The following ABCC12 variants were observed in gnomAD, a reference collection of about 807,000 sequenced individuals.
The protein encoded by ABCC12 is ATP-binding cassette sub-family C member 12.
Under a neutral mutation model 151.1 loss-of-function variants are expected in ABCC12, and 142 were observed. That is an observed-to-expected ratio of 0.94 (90% CI 0.82 to 1.08). ABCC12 has a LOEUF of 1.08. ABCC12 is among the 50% of genes least tolerant of loss of function. The pLI is 0.00. For missense variants in ABCC12, 1,638 were observed against 1,691.1 expected (o/e 0.97, Z 0.55); for synonymous variants, 645 against 646.4 (o/e 1.00, Z 0.03).
At chr16:48,120,699 G>C (rs1280422373) in intron 13 of ABCC12, among the ~76,000 whole-genome samples, 4 of 151,872 alleles carry the variant, frequency 2.6e-5, no homozygotes, top group Non-Finnish European at 1.5e-5. Context: ...GGGATTACAG[G>C]TGCCCACCAC....
chr16:48,128,820 A>T, intron 10 of ABCC12, 83 bp from the exon 11 acceptor site: 1 of 1,497,554 alleles, frequency 6.7e-7, no homozygotes, highest in Non-Finnish European at 9.0e-7. Flanking sequence ...ATGACCCCAA[A>T]TCACAATTTT....
At chr16:48,108,843 T>C (rs576185062) in intron 18 of ABCC12, among the ~76,000 whole-genome samples, 1 of 152,350 alleles carries the variant, frequency 6.6e-6, no homozygotes, top group East Asian at 1.9e-4. Flanking sequence ...AAGAAGAGAC[T>C]ATGAATACAT....
Position 48,088,654 on chromosome 16 carries a change from G to A in ABCC12, c.3366C>T (p.Phe1122=), listed in dbSNP as rs1181074278. 1.9e-6 allele frequency: 3 copies of A among 1,614,212 alleles called. No individual in the cohort carries two copies. The highest frequency in any genetic ancestry group is 4.5e-5 in the East Asian group (2 of 44,874). The change falls in exon 26 of 31, where the codon TTC becomes TTT. Residue 1122 remains phenylalanine (F), a synonymous_variant. Coordinates refer to ENST00000311303, the MANE Select transcript of ABCC12 (RefSeq NM_001393797.1). ...CTCTGTATCTCATCTGATAGTCTCT[G>A]AAGGTGATCTCCCCACGGCTGGGCC... ...KDWPSRGEIT[F]RDYQMRYRDN...
At chr16:48,099,819 G>A (rs542112329) in intron 23 of ABCC12, among the ~76,000 whole-genome samples, 1 of 152,340 alleles carries the variant, frequency 6.6e-6, no homozygotes, top group South Asian at 2.1e-4. Flanking sequence ...GACTATGCCT[G>A]AGTGTGGAGT....
Position 48,115,629 on chromosome 16 carries a change from G to T in ABCC12, c.1786-11C>A. ...GCCCCGCTCCCCAATCTGTGGACAG[G>T]GACAATGCTACTGCCCATTGTCAGC... On this transcript the variant is annotated splice_polypyrimidine_tract_variant and intron_variant, in intron 14 of 30. Coordinates refer to ENST00000311303, the MANE Select transcript of ABCC12 (RefSeq NM_001393797.1). 3.7e-6 allele frequency: 6 copies of T among 1,610,508 alleles called. No homozygotes were observed.
chr16:48,093,971 G>A (rs1034140199), intron 24 of ABCC12, among the ~76,000 whole-genome samples: 2 of 152,128 alleles, frequency 1.3e-5, no homozygotes, highest in African/African-American at 4.8e-5. Flanking sequence ...TCTCCAAAGG[G>A]GGCTAATGCT....
At chr16:48,126,621 C>G (rs1383992814) in intron 11 of ABCC12, among the ~76,000 whole-genome samples, 1 of 152,174 alleles carries the variant, frequency 6.6e-6, no homozygotes, top group African/African-American at 2.4e-5. Context: ...CCCCCACCAC[C>G]TTGTGAAATG....
rs1192674174 is a variant in ABCC12 at position 48,084,051 on chromosome 16, G to T, written c.3851C>A (p.Thr1284Asn). Residue 1284 changes from threonine (T) to asparagine (N), a missense_variant, in exon 30 of 31, where the codon ACC becomes AAC. Transcript: ENST00000311303. ...NSKIILLDEA[T>N]ASMDSKTDTL... ...GTCAGTCTTGGAGTCCATAGAGGCG[G>T]TGGCTTCATCAAGGAGAATGATCTG... 4 of 1,610,378 alleles carry T rather than the reference G, an allele frequency of 2.5e-6. No homozygotes were observed. The highest frequency in any genetic ancestry group is 3.4e-6 in the Non-Finnish European group (4 of 1,179,188).
At chr16:48,132,276 G>T (rs1055158673) in intron 9 of ABCC12, among the ~76,000 whole-genome samples, 1 of 152,160 alleles carries the variant, frequency 6.6e-6, no homozygotes, top group African/African-American at 2.4e-5. Context: ...TGGGCTGAAG[G>T]CCCTAAAGTG....
chr16:48,099,419 T>TA (rs1395257230), intron 23 of ABCC12, among the ~76,000 whole-genome samples: 6 of 152,070 alleles, frequency 3.9e-5, no homozygotes, highest in Non-Finnish European at 8.8e-5. Flanking sequence ...TAAAAATAAA[T>TA]AAATTTAATG....
At position 48,111,607 on chromosome 16, in the gene ABCC12, G is replaced by T. The variant is rs1963690675; in HGVS notation, c.2180C>A (p.Ala727Asp). 10 of 1,614,050 alleles carry T rather than the reference G, an allele frequency of 6.2e-6. No individual in the cohort carries two copies. In the South Asian group the frequency reaches 8.8e-5, roughly 14 times the overall value. Residue 727 changes from alanine to aspartate, a missense_variant, in exon 17 of 31, where the codon GCT (alanine) becomes GAT (aspartate). Coordinates refer to ENST00000311303, the MANE Select transcript of ABCC12 (RefSeq NM_001393797.1). ...AMVEAFKESPAEREEDAGIIV... is the reference protein window; with the variant it reads ...AMVEAFKESPDEREEDAGIIV... ...TATACCAGCATCTTCCTCTCTCTCA[G>T]CAGGGCTCTCCTTGAAGGCTTCCAC... is the stretch of plus-strand genomic sequence containing the variant.
intron 18 of ABCC12, among the ~76,000 whole-genome samples, chr16:48,110,675 T>C (rs1963654286): frequency 6.6e-6 from 1 of 151,850 alleles, no homozygotes; most frequent in Non-Finnish European, 1.5e-5. Flanking sequence ...CCCTCTACCC[T>C]CTCCCACCTT....
intron 4 of ABCC12, 33 bp downstream of exon 4, chr16:48,143,877 G>T (rs1964905380): frequency 6.2e-7 from 1 of 1,600,528 alleles, no homozygotes. Flanking sequence ...TATGAAAATG[G>T]ACTAATACAG....
chr16:48,099,672 G>C (rs1228557105), intron 23 of ABCC12, among the ~76,000 whole-genome samples: 1 of 152,160 alleles, frequency 6.6e-6, no homozygotes, highest in Non-Finnish European at 1.5e-5. Context: ...AGAAATCTTG[G>C]GACACTTCGC....
intron 18 of ABCC12, among the ~76,000 whole-genome samples, chr16:48,110,731 C>A (rs915114303): frequency 1.3e-5 from 2 of 152,102 alleles, no homozygotes; most frequent in African/African-American, 4.8e-5. Context: ...CTTGAGGGAC[C>A]AGTCCGAAGG....
In ABCC12 at chr16:48,115,495, C is replaced by G. The variant is rs147110729; in HGVS notation, c.1909G>C (p.Val637Leu). The G allele has an allele frequency of 6.2e-7, 1 of 1,614,236 alleles. No individual in the cohort carries two copies. Among genetic ancestry groups the G allele is most frequent in the East Asian group, 2.2e-5 (1 of 44,874 alleles). The change falls in exon 15 of 31, where the codon GTG becomes CTG. Residue 637 changes from valine (V) to leucine (L), a missense_variant. Val to Leu is a conservative substitution (Grantham distance 32, BLOSUM62 1). Coordinates refer to ENST00000311303, the MANE Select transcript of ABCC12 (RefSeq NM_001393797.1). ...DDPLSAVDAH[V>L]GKHVFEECIK... ...CACTCCTCAAAGACGTGCTTCCCCA[C>G]GTGGGCGTCCACGGCCGACAGGGGG...
At chr16:48,143,119 T>C (rs969524793) in intron 4 of ABCC12, among the ~76,000 whole-genome samples, 14 of 152,254 alleles carry the variant, frequency 9.2e-5, no homozygotes, top group Admixed American at 5.9e-4. Flanking sequence ...TCAACCTAAA[T>C]ATATTTTGTA....
intron 29 of ABCC12, among the ~76,000 whole-genome samples, chr16:48,084,618 C>T (rs759602752): frequency 5.3e-5 from 8 of 152,234 alleles, no homozygotes; most frequent in Non-Finnish European, 1.2e-4. Context: ...GGCATCACAG[C>T]TCCTTCTCTC....
At chr16:48,113,438 G>A (rs1963768770) in intron 15 of ABCC12, among the ~76,000 whole-genome samples, 1 of 152,198 alleles carries the variant, frequency 6.6e-6, no homozygotes, top group Non-Finnish European at 1.5e-5. Flanking sequence ...GTTCACTCCA[G>A]AGATATGAGG....
Sources: gnomAD v4.1 joint callset for allele counts (sites outside exome capture counted in the v4.1 genomes callset) on GRCh38, gnomAD v4.1.1 for gene constraint, MANE v1.5 for transcripts, NCBI Gene and HGNC (gene_info 2026-07-23, HGNC 2026-07-21) for gene names.